Variants in ZMYND8 observed in about 807,000 individuals in gnomAD.
ZMYND8 encodes the protein MYND-type zinc finger-containing chromatin reader ZMYND8.
Under a neutral mutation model 140.8 loss-of-function variants are expected in ZMYND8, and 37 were observed. The observed-to-expected ratio is 0.26, with a 90% CI of 0.20 to 0.35. The LOEUF (loss-of-function observed/expected upper bound fraction) is 0.35, where lower values mean the gene tolerates loss of function less well. ZMYND8 is among the 10% of genes least tolerant of loss of function. ZMYND8 has a pLI of 1.00. For missense variants in ZMYND8, 1,068 were observed against 1,570.0 expected, an observed-to-expected ratio of 0.68 and a Z score of 5.40; for synonymous variants, 592 against 597.1, an observed-to-expected ratio of 0.99 and a Z score of 0.12.
chr20:47,337,968 T>C (rs576398976), intron 2 of ZMYND8, among the ~76,000 whole-genome samples: 1 of 152,098 alleles, frequency 6.6e-6, no homozygotes, highest in East Asian at 1.9e-4. Flanking sequence ...ATGGACTAGA[T>C]GTAGGAATAG....
At chr20:47,270,926 A>C (rs1045694037) in intron 11 of ZMYND8, among the ~76,000 whole-genome samples, 8 of 151,654 alleles carry the variant, frequency 5.3e-5, no homozygotes, top group Admixed American at 2.6e-4. Flanking sequence ...AAATACAAAA[A>C]ATTAGCCGGG....
intron 21 of ZMYND8, 119 bp from the exon 22 acceptor site, chr20:47,212,844 T>G: frequency 4.8e-6 from 4 of 826,828 alleles, no homozygotes; most frequent in Non-Finnish European, 7.5e-6. Context: ...AGTTGGCACC[T>G]TCATTCATGT....
chr20:47,242,532 T>G (rs1351597187), intron 14 of ZMYND8, among the ~76,000 whole-genome samples: 3 of 152,224 alleles, frequency 2.0e-5, no homozygotes, highest in Non-Finnish European at 2.9e-5. Flanking sequence ...TTCAATGCCT[T>G]CCTTTCCTGC....
chr20:47,263,606 G>C (rs749995502), intron 11 of ZMYND8, among the ~76,000 whole-genome samples: 40 of 152,196 alleles, frequency 2.6e-4, no homozygotes, highest in Admixed American at 5.2e-4. Context: ...GAAGTAAAGA[G>C]GCCTGGATTC....
At chr20:47,310,301 C>T (rs2078824765) in intron 2 of ZMYND8, 97 bp from the exon 3 acceptor site, 3 of 1,435,350 alleles carry the variant, frequency 2.1e-6, no homozygotes, top group South Asian at 2.8e-5. Flanking sequence ...GAACAGAGTG[C>T]ATTCTGTCCC....
rs111831182 is a variant in ZMYND8, at chr20:47,330,361, CTTT to C, written c.85+17492_85+17494del. 4.8e-3 allele frequency among the ~76,000 whole-genome samples: 572 copies of C among 118,884 alleles called. 2 individuals are homozygous for C. Among genetic ancestry groups the C allele is most frequent in the African/African-American group, 0.017 (546 of 32,076 alleles). The allele number at this position is 118,884 out of a possible 152,430, so 78.0% of individuals were successfully genotyped here. On this transcript the variant is annotated intron_variant, in intron 2 of 22. Transcript: ENST00000471951. ...CAAGCCACCATGCCTGGGTTTTTTG[CTTT>C]TTTTTTTTTTTTTTTTTGTAGGAAC...
chr20:47,220,619 T>C (rs1379762115), intron 20 of ZMYND8, among the ~76,000 whole-genome samples: 1 of 152,202 alleles, frequency 6.6e-6, no homozygotes, highest in African/African-American at 2.4e-5. Flanking sequence ...CTCCAGATTT[T>C]TGCCATATCC....
Position 47,302,261 on chromosome 20 carries a change from G to T in ZMYND8, c.235-3314C>A, listed in dbSNP as rs569109914. ...AGGCCGAGGTGGGTGGATCACCTGA[G>T]ATCAGGAGTTCCAGACCAGCCTAGG... On this transcript the variant is annotated intron_variant, in intron 3 of 22. Transcript: ENST00000471951. Among the ~76,000 whole-genome samples, 89 of 152,254 alleles carry T rather than the reference G, an allele frequency of 5.8e-4. 1 individual carries two copies. Among genetic ancestry groups the T allele is most frequent in the African/African-American group, 2.1e-3 (87 of 41,536 alleles).
intron 1 of ZMYND8, chr20:47,351,983 C>G (rs775442761): frequency 1.0e-6 from 1 of 985,398 alleles, no homozygotes; most frequent in Non-Finnish European, 1.2e-6. Flanking sequence ...TCACAGGTTC[C>G]TAAGGAAAAG....
At chr20:47,221,281 T>C in intron 20 of ZMYND8, 33 bp downstream of exon 20, 2 of 1,611,826 alleles carry the variant, frequency 1.2e-6, no homozygotes, top group Admixed American at 3.3e-5. Context: ...AAAGGGTAGA[T>C]GTCACTAGCC....
At chr20:47,308,784 A>G (rs953293595) in intron 3 of ZMYND8, among the ~76,000 whole-genome samples, 1 of 152,160 alleles carries the variant, frequency 6.6e-6, no homozygotes, top group East Asian at 1.9e-4. Flanking sequence ...TTTGAGAGTG[A>G]AAATAGATTC....
intron 11 of ZMYND8, among the ~76,000 whole-genome samples, chr20:47,268,773 CA>C (rs146630245): frequency 4.1e-5 from 6 of 146,460 alleles, no homozygotes; most frequent in South Asian, 2.2e-4. Flanking sequence ...GACTCCATCT[CA>C]AAAAAAAAGA....
intron 2 of ZMYND8, among the ~76,000 whole-genome samples, chr20:47,346,072 T>A (rs1046371365): frequency 1.3e-5 from 2 of 151,938 alleles, no homozygotes; most frequent in Non-Finnish European, 2.9e-5. Flanking sequence ...TAGAATCTAA[T>A]CCAACACCCC....
At chr20:47,318,160 C>CT (rs1281481771) in intron 2 of ZMYND8, among the ~76,000 whole-genome samples, 1 of 151,982 alleles carries the variant, frequency 6.6e-6, no homozygotes, top group East Asian at 1.9e-4. Flanking sequence ...CCTGTGTAGA[C>CT]TGGAGACCAG....
At chr20:47,291,950 A>T in intron 5 of ZMYND8, 62 bp from the exon 6 acceptor site, 3 of 1,432,476 alleles carry the variant, frequency 2.1e-6, no homozygotes, top group Non-Finnish European at 2.9e-6. Context: ...CCAAGCATTA[A>T]TGCTAACAAA....
At chr20:47,233,205 CTT>C (rs1174729822) in intron 16 of ZMYND8, among the ~76,000 whole-genome samples, 15 of 91,340 alleles carry the variant, frequency 1.6e-4, no homozygotes, top group South Asian at 3.8e-4. Context: ...CCGCACCAGG[CTT>C]TTTTTTTTTT....
chr20:47,256,888 A>C (rs1406317382), intron 12 of ZMYND8, among the ~76,000 whole-genome samples: 2 of 152,158 alleles, frequency 1.3e-5, no homozygotes, highest in East Asian at 3.8e-4. Flanking sequence ...TTTTCAACAG[A>C]GCATCAAGGC....
At chr20:47,293,200 CAGGCAGGCAGGCAGGCAGGG>C (rs1254660443) in intron 5 of ZMYND8, among the ~76,000 whole-genome samples, 5 of 41,558 alleles carry the variant, frequency 1.2e-4, no homozygotes, top group African/African-American at 7.0e-4. Flanking sequence ...GGCAGGCAGG[CAGGCAGGCAGGCAGGCAGGG>C]AGGGAGGGAG....
rs1361910429 is a variant in ZMYND8, at chr20:47,209,827, G to A, written c.*934C>T. ...TGAAATTCCATCATATAAATAATAC[G>A]TACATGCTTCATCCCAGACTCAAAC... On this transcript the variant is annotated 3_prime_UTR_variant, in exon 23 of 23. Transcript: ENST00000471951. The A allele has an allele frequency of 6.6e-6, 1 of 152,494 alleles. No homozygotes were observed. Among genetic ancestry groups the A allele is most frequent in the Non-Finnish European group, 1.5e-5 (1 of 68,028 alleles). 9.4% of individuals were successfully genotyped at this position (152,494 alleles called of 1,614,324 possible). A position where few individuals can be genotyped will look rare whatever the true frequency, so the allele number is the denominator to read the frequency against.
Sources: allele counts gnomAD v4.1 joint callset (sites outside exome capture counted in the v4.1 genomes callset), GRCh38; gene constraint gnomAD v4.1.1; transcripts MANE v1.5; gene names NCBI Gene and HGNC (gene_info 2026-07-23, HGNC 2026-07-21).